Variants in SEC63 observed in about 807,000 individuals in gnomAD.
The protein encoded by SEC63 is translocation protein SEC63 homolog.
Under a neutral mutation model 116.2 loss-of-function variants are expected in SEC63, and 56 were observed. The observed-to-expected ratio is 0.48, with a 90% CI of 0.39 to 0.60. The LOEUF (loss-of-function observed/expected upper bound fraction) is 0.60, where lower values mean the gene tolerates loss of function less well. SEC63 is among the 20% of genes least tolerant of loss of function. The probability of loss-of-function intolerance (pLI) is 0.00; values close to 1 mark genes in which losing one functional copy is unlikely to be tolerated. For missense variants in SEC63, 668 were observed against 900.0 expected (o/e 0.74, Z 3.30); for synonymous variants, 273 against 294.6 (o/e 0.93, Z 0.75).
intron 4 of SEC63, 43 bp from the exon 5 acceptor site, chr6:107,913,470 C>A: frequency 1.4e-6 from 2 of 1,428,830 alleles, no homozygotes; most frequent in Non-Finnish European, 2.0e-6. Context: ...AAAGCCACAT[C>A]TGAAAAACAA....
rs1255239250 is a variant in SEC63, at chr6:107,957,878, G to T, written c.124+8C>A. ...GCGGGTTCGCGGGCAAAGGCCGGCGGGACTCACCGGCATTCTGATCTCGGG... is the reference window on the plus strand; with the variant it reads ...GCGGGTTCGCGGGCAAAGGCCGGCGTGACTCACCGGCATTCTGATCTCGGG... On this transcript the variant is annotated splice_region_variant and intron_variant, in intron 1 of 20. Transcript: ENST00000369002. 7 of 1,609,984 alleles carry T rather than the reference G, an allele frequency of 4.3e-6. No individual in the cohort carries two copies. In the South Asian group the frequency reaches 5.5e-5, roughly 13 times the overall value.
At chr6:107,890,562 A>T (rs977019395) in intron 16 of SEC63, among the ~76,000 whole-genome samples, 2 of 152,150 alleles carry the variant, frequency 1.3e-5, no homozygotes, top group Non-Finnish European at 2.9e-5. Context: ...CATTTAGCCC[A>T]TTTACATTTA....
Position 107,897,922 on chromosome 6 carries a change from TA to T in SEC63, c.1358-192del, listed in dbSNP as rs551867789. 1.9e-3 allele frequency among the ~76,000 whole-genome samples: 283 copies of T among 152,332 alleles called. 1 individual carries two copies. The highest frequency in any genetic ancestry group is 6.2e-3 in the African/African-American group (256 of 41,576). On this transcript the variant is annotated intron_variant, in intron 13 of 20. Transcript: ENST00000369002. The stretch of plus-strand genomic sequence containing the variant: ...CTCTCCAGTAGATGCTTTTAACAAT[TA>T]ATTCATTTAATCCTTAAAATAGCTC...
chr6:107,942,283 G>GT (rs1262469497), intron 1 of SEC63, among the ~76,000 whole-genome samples: 1 of 152,126 alleles, frequency 6.6e-6, no homozygotes, highest in Non-Finnish European at 1.5e-5. Context: ...CTTTTCAGCA[G>GT]TTTCCCCGTT....
chr6:107,916,347 A>G (rs1386606387), intron 4 of SEC63, among the ~76,000 whole-genome samples: 2 of 152,248 alleles, frequency 1.3e-5, no homozygotes, highest in African/African-American at 2.4e-5. Context: ...CAAAAGTCCT[A>G]ATGGCACTGC....
chr6:107,878,892 A>G (rs930030508), intron 18 of SEC63, among the ~76,000 whole-genome samples: 1 of 152,188 alleles, frequency 6.6e-6, no homozygotes, highest in African/African-American at 2.4e-5. Flanking sequence ...AAGCCAGTGA[A>G]TATCAATCAA....
At chr6:107,913,512 C>T (rs1025131095) in intron 4 of SEC63, 85 bp from the exon 5 acceptor site, 4 of 913,122 alleles carry the variant, frequency 4.4e-6, no homozygotes, top group Non-Finnish European at 7.3e-6. Flanking sequence ...ATTAGCCAAC[C>T]AACTCATTTC....
In SEC63 at chr6:107,901,448, G is replaced by T. The variant is rs1283961094; in HGVS notation, c.1279C>A (p.Leu427Ile). 6 of 1,611,930 alleles carry T rather than the reference G, an allele frequency of 3.7e-6. No individual in the cohort carries two copies. The highest frequency in any genetic ancestry group is 4.2e-6 in the Non-Finnish European group (5 of 1,178,398). ...ESDRHTLLHF[L>I]EDEKYEEVMA... The stretch of plus-strand genomic sequence containing the variant: ...ACCTCTTCATATTTTTCATCTTCAA[G>T]GAAGTGCAGTAGAGTGTGACGATCT... Residue 427 changes from leucine to isoleucine, a missense_variant, in exon 13 of 21, where the codon CTT (leucine) becomes ATT (isoleucine). This residue lies in a region of SEC63 where 430 missense variants were observed against 557.5 expected (regional missense o/e 0.77). Coordinates refer to ENST00000369002, the MANE Select transcript of SEC63 (RefSeq NM_007214.5).
intron 1 of SEC63, among the ~76,000 whole-genome samples, chr6:107,950,004 G>A (rs149653058): frequency 1.1e-3 from 172 of 152,176 alleles, no homozygotes; most frequent in Admixed American, 2.1e-3. Context: ...CTGGCAGAAT[G>A]GATTAAAAGC....
At chr6:107,919,698 T>A (rs1200593389) in intron 4 of SEC63, among the ~76,000 whole-genome samples, 1 of 151,906 alleles carries the variant, frequency 6.6e-6, no homozygotes, top group Non-Finnish European at 1.5e-5. Flanking sequence ...GGCGGGTGCC[T>A]GTAGTCCCAG....
intron 12 of SEC63, among the ~76,000 whole-genome samples, chr6:107,902,516 T>C (rs919500309): frequency 1.4e-4 from 21 of 152,154 alleles, no homozygotes; most frequent in African/African-American, 4.1e-4. Flanking sequence ...CAGTAAACAA[T>C]TGCCCAACCT....
chr6:107,956,350 C>T lies in SEC63; in HGVS notation c.124+1536G>A, dbSNP rs115242796. ...ACTACTGAAAAGTGTACCCTTTTAA[C>T]TTGAAATACAACAACCACAAGAATG... On this transcript the variant is annotated intron_variant, in intron 1 of 20. Coordinates refer to ENST00000369002, the MANE Select transcript of SEC63 (RefSeq NM_007214.5). 4.8e-3 allele frequency among the ~76,000 whole-genome samples: 726 copies of T among 152,256 alleles called. 4 individuals are homozygous for T. The highest frequency in any genetic ancestry group is 0.017 in the African/African-American group (707 of 41,546).
chr6:107,922,895 A>T (rs950949490), intron 3 of SEC63, among the ~76,000 whole-genome samples: 1 of 152,176 alleles, frequency 6.6e-6, no homozygotes, highest in Non-Finnish European at 1.5e-5. Context: ...AGTAAGTGCC[A>T]TGGGGGAGAA....
At chr6:107,953,659 C>A (rs1465648837) in intron 1 of SEC63, among the ~76,000 whole-genome samples, 2 of 144,432 alleles carry the variant, frequency 1.4e-5, no homozygotes, top group African/African-American at 5.1e-5. Context: ...AGTGAGGAGC[C>A]CCTCTGCCCG....
chr6:107,889,879 A>G (rs2114420126), intron 16 of SEC63, among the ~76,000 whole-genome samples: 1 of 152,264 alleles, frequency 6.6e-6, no homozygotes, highest in East Asian at 1.9e-4. Flanking sequence ...GTTTCCATGT[A>G]GTTGTGCAGT....
intron 16 of SEC63, among the ~76,000 whole-genome samples, chr6:107,892,500 T>C (rs369196053): frequency 6.6e-6 from 1 of 152,254 alleles, no homozygotes; most frequent in African/African-American, 2.4e-5. Flanking sequence ...CAGGATGTCT[T>C]AATTTTTAAG....
intron 1 of SEC63, among the ~76,000 whole-genome samples, chr6:107,941,235 C>T (rs1210441362): frequency 6.6e-6 from 1 of 152,044 alleles, no homozygotes; most frequent in Non-Finnish European, 1.5e-5. Context: ...GGTGTTAATA[C>T]AAATTCATAA....
chr6:107,882,232 G>C (rs1428110609), intron 17 of SEC63, among the ~76,000 whole-genome samples: 1 of 151,930 alleles, frequency 6.6e-6, no homozygotes, highest in Admixed American at 6.6e-5. Context: ...TGCCTCTGAG[G>C]CTATTCAGGC....
At chr6:107,949,019 T>A (rs972643674) in intron 1 of SEC63, among the ~76,000 whole-genome samples, 1 of 152,230 alleles carries the variant, frequency 6.6e-6, no homozygotes, top group African/African-American at 2.4e-5. Flanking sequence ...ATGTCTTTCC[T>A]CCAATTAATC....
Sources: allele counts gnomAD v4.1 joint callset (sites outside exome capture counted in the v4.1 genomes callset), GRCh38; gene constraint gnomAD v4.1.1; regional missense constraint gnomAD v4.1.1; transcripts MANE v1.5; gene names NCBI Gene and HGNC (gene_info 2026-07-23, HGNC 2026-07-21).